Variants in HERC1 observed in about 807,000 individuals in gnomAD.
The protein encoded by HERC1 is probable E3 ubiquitin-protein ligase HERC1.
In HERC1, 160 loss-of-function variants were observed where a neutral mutation model predicts 554.3. The observed-to-expected ratio is 0.29, with a 90% confidence interval of 0.25 to 0.33. The LOEUF is 0.33. Ranked by LOEUF, HERC1 falls within the 10% of genes least tolerant of loss-of-function variation. The pLI is 1.00. For missense variants in HERC1, 4,919 were observed against 5,918.5 expected, an observed-to-expected ratio of 0.83 and a Z score of 5.54; for synonymous variants, 2,175 against 2,131.7, an observed-to-expected ratio of 1.02 and a Z score of -0.56.
chr15:63,623,496 G>A (rs2068174855), intron 73 of HERC1, among the ~76,000 whole-genome samples: 1 of 152,194 alleles, frequency 6.6e-6, no homozygotes, highest in Non-Finnish European at 1.5e-5. Context: ...GTGAGTCATT[G>A]GTAGATGCCT....
rs374818851 is a variant in HERC1, at chr15:63,655,718, A to G, written c.10084+24T>C. Reference sequence around the variant, plus strand: ...AATAAGAAGTCGATTAGAAGACTGTATGTTTCAGTAGTATGAAACTTACCT... The same window carrying G: ...AATAAGAAGTCGATTAGAAGACTGTGTGTTTCAGTAGTATGAAACTTACCT... On this transcript the variant is annotated intron_variant, in intron 50 of 77. Coordinates refer to ENST00000443617, the MANE Select transcript of HERC1 (RefSeq NM_003922.4). The G allele has an allele frequency of 3.3e-5, 47 of 1,441,608 alleles. No homozygotes were observed. The African/African-American group carries it at 5.4e-4, about 17-fold the overall frequency. The allele number at this position is 1,441,608 out of a possible 1,614,324, so 89.3% of individuals were successfully genotyped here.
chr15:63,718,519 G>C lies in HERC1; in HGVS notation c.3978+55C>G. 3 of 1,500,178 alleles carry C rather than the reference G, an allele frequency of 2.0e-6. No individual in the cohort carries two copies. Among genetic ancestry groups the C allele is most frequent in the Non-Finnish European group, 2.7e-6 (3 of 1,116,588 alleles). 92.9% of individuals were successfully genotyped at this position (1,500,178 alleles called of 1,614,324 possible). A position where few individuals can be genotyped will look rare whatever the true frequency, so the allele number is the denominator to read the frequency against. On this transcript the variant is annotated intron_variant, in intron 21 of 77. Transcript: ENST00000443617. This position sits in a 1 kb window ranked among gnomAD's most constrained non-coding sequence, Gnocchi z 4.2. ...TTTTTCTCACATAAACCAATTTAGA[G>C]CTAGCTCTCACAGCTTGCAGAAAAA...
At chr15:63,685,418 C>T (rs1459357726) in intron 34 of HERC1, among the ~76,000 whole-genome samples, 1 of 152,264 alleles carries the variant, frequency 6.6e-6, no homozygotes, top group Non-Finnish European at 1.5e-5. Context: ...AAGGGCAACA[C>T]ATATACCCTA....
intron 21 of HERC1, among the ~76,000 whole-genome samples, chr15:63,717,682 T>A (rs1313524916): frequency 6.6e-6 from 1 of 152,068 alleles, no homozygotes; most frequent in Non-Finnish European, 1.5e-5. Flanking sequence ...ACCAGCCTGG[T>A]CAACACGGTG....
intron 1 of HERC1, among the ~76,000 whole-genome samples, chr15:63,790,864 ATAT>A (rs1401117860): frequency 6.6e-6 from 1 of 151,816 alleles, no homozygotes; most frequent in Non-Finnish European, 1.5e-5. Context: ...TTGTATGACC[ATAT>A]TGTTTTCAAT....
chr15:63,625,869 G>C, intron 71 of HERC1, 116 bp downstream of exon 71: 1 of 1,013,708 alleles, frequency 9.9e-7, no homozygotes. Flanking sequence ...TATCTTATTA[G>C]CCATGAAAGA....
intron 25 of HERC1, among the ~76,000 whole-genome samples, chr15:63,700,970 T>C (rs1195860554): frequency 6.6e-6 from 1 of 151,998 alleles, no homozygotes; most frequent in Non-Finnish European, 1.5e-5. Flanking sequence ...AATCTGTATT[T>C]AGCCTTAACT....
intron 77 of HERC1, among the ~76,000 whole-genome samples, chr15:63,611,401 C>G (rs1044287705): frequency 3.3e-5 from 5 of 152,326 alleles, no homozygotes; most frequent in Admixed American, 2.6e-4. Context: ...TTTTCAGACT[C>G]TAAGCCCTCT....
intron 12 of HERC1, among the ~76,000 whole-genome samples, chr15:63,737,550 T>TC (rs1431465197): frequency 8.5e-6 from 1 of 118,204 alleles, no homozygotes; most frequent in African/African-American, 3.1e-5. Context: ...TATATATATC[T>TC]TTTTTTTTTT....
rs1015992819 is a variant in HERC1, at chr15:63,723,417, C to T, written c.3569-62G>A. The T allele has an allele frequency of 5.4e-6, 6 of 1,103,980 alleles. No homozygotes were observed. The African/African-American group carries it at 9.5e-5, about 17-fold the overall frequency. 68.4% of individuals were successfully genotyped at this position (1,103,980 alleles called of 1,614,324 possible). A position where few individuals can be genotyped will look rare whatever the true frequency, so the allele number is the denominator to read the frequency against. ...TAAATTTTGGTGCTACAGATAAAAT[C>T]TTACCACATTTATTTAATGATTATG... On this transcript the variant is annotated intron_variant, in intron 18 of 77. Transcript: ENST00000443617.
intron 2 of HERC1, among the ~76,000 whole-genome samples, chr15:63,769,302 C>G (rs972815045): frequency 2.0e-5 from 3 of 151,494 alleles, no homozygotes; most frequent in African/African-American, 7.3e-5. Context: ...GCCTGTAATC[C>G]CAGCTACTCA....
At chr15:63,610,766 T>C (rs1341903579) in intron 77 of HERC1, among the ~76,000 whole-genome samples, 2 of 152,168 alleles carry the variant, frequency 1.3e-5, no homozygotes, top group Non-Finnish European at 2.9e-5. Flanking sequence ...AGGGCCTGTG[T>C]GTGAAGAGGC....
At chr15:63,751,088 C>A (rs1468246703) in intron 8 of HERC1, among the ~76,000 whole-genome samples, 1 of 152,126 alleles carries the variant, frequency 6.6e-6, no homozygotes, top group Non-Finnish European at 1.5e-5. Context: ...TACTCAAAAT[C>A]ATCACAGAAG....
chr15:63,784,679 C>T (rs1180838548), intron 1 of HERC1, among the ~76,000 whole-genome samples: 1 of 152,112 alleles, frequency 6.6e-6, no homozygotes, highest in Middle Eastern at 3.4e-3. Flanking sequence ...GCAATCTCGG[C>T]TCACTGCAAC....
chr15:63,805,105 A>G (rs1007083583), intron 1 of HERC1, among the ~76,000 whole-genome samples: 1 of 152,192 alleles, frequency 6.6e-6, no homozygotes, highest in Non-Finnish European at 1.5e-5. Flanking sequence ...AGAATACATG[A>G]TTACATAAAG....
chr15:63,810,683 T>C (rs537120043), intron 1 of HERC1, among the ~76,000 whole-genome samples: 85 of 152,276 alleles, frequency 5.6e-4, no homozygotes, highest in African/African-American at 1.3e-3. Context: ...CTAAAACCAA[T>C]GGGAAAGCGT....
intron 21 of HERC1, among the ~76,000 whole-genome samples, chr15:63,716,711 T>C (rs151185904): frequency 6.6e-6 from 1 of 152,286 alleles, no homozygotes; most frequent in East Asian, 1.9e-4. Context: ...TAAAATATCA[T>C]GCTGTAAATT....
At chr15:63,690,760 T>C (rs1042500998) in intron 31 of HERC1, 113 bp from the exon 32 acceptor site, 16 of 660,434 alleles carry the variant, frequency 2.4e-5, no homozygotes, top group Non-Finnish European at 4.1e-5. Context: ...TGGAACAAAC[T>C]TGATTTCAAA....
intron 19 of HERC1, among the ~76,000 whole-genome samples, chr15:63,722,896 G>A (rs991652261): frequency 4.6e-5 from 7 of 151,996 alleles, no homozygotes; most frequent in African/African-American, 9.7e-5. Flanking sequence ...CACATCACCC[G>A]CGGATATGGG....
Sources: gnomAD v4.1 joint callset for allele counts (sites outside exome capture counted in the v4.1 genomes callset) on GRCh38, gnomAD v4.1.1 for gene constraint, Gnocchi (gnomAD v3.1) non-coding constraint, MANE v1.5 for transcripts, NCBI Gene and HGNC (gene_info 2026-07-23, HGNC 2026-07-21) for gene names.